Variants in DNM1 observed in about 807,000 individuals in gnomAD.
DNM1 encodes the protein dynamin 1, also known as dynamin-1.
In DNM1, 29 loss-of-function variants were observed where a neutral mutation model predicts 104.6. That is an observed-to-expected ratio of 0.28 (90% CI 0.21 to 0.38). The LOEUF (loss-of-function observed/expected upper bound fraction) is 0.38, where lower values mean the gene tolerates loss of function less well. Among genes scored for constraint, DNM1 ranks in the 10% least tolerant of loss-of-function variants. DNM1 has a pLI of 1.00. For missense variants in DNM1, 640 were observed against 1,189.4 expected (o/e 0.54, Z 6.79); for synonymous variants, 445 against 475.8 (o/e 0.94, Z 0.84).
Position 128,224,498 on chromosome 9 carries a change from C to T in DNM1, c.1335+109C>T, listed in dbSNP as rs1835224829. ...TGCCTCCTCGGTAGCATGTACAGAC[C>T]TCAGCGGGGTGGGGAGGCAGGCCAC... On this transcript the variant is annotated intron_variant, in intron 10 of 21. Coordinates refer to ENST00000372923, the MANE Select transcript of DNM1 (RefSeq NM_004408.4). The surrounding 1 kb of genome is among the most constrained non-coding windows in gnomAD (Gnocchi z 4.3). 2 of 1,120,548 alleles carry T rather than the reference C, an allele frequency of 1.8e-6. No homozygotes were observed. The highest frequency in any genetic ancestry group is 1.6e-5 in the African/African-American group (1 of 64,172). The allele number at this position is 1,120,548 out of a possible 1,614,324, so 69.4% of individuals were successfully genotyped here. A position where few individuals can be genotyped will look rare whatever the true frequency, so the allele number is the denominator to read the frequency against.
chr9:128,220,769 C>G lies in DNM1; in HGVS notation c.849+428C>G, dbSNP rs372185341. ...TGTGTGTGTGTGTGTGTGTGTGTGT[C>G]TGTCTGACTGTCTGTCTGTGTAGGC... On this transcript the variant is annotated intron_variant, in intron 6 of 21. Coordinates refer to ENST00000372923, the MANE Select transcript of DNM1 (RefSeq NM_004408.4). This position sits in a 1 kb window ranked among gnomAD's most constrained non-coding sequence, Gnocchi z 5.2. 6.4e-4 allele frequency among the ~76,000 whole-genome samples: 71 copies of G among 110,530 alleles called. No individual in the cohort carries two copies. In the East Asian group the frequency reaches 0.017, roughly 27 times the overall value. The allele number at this position is 110,530 out of a possible 152,430, so 72.5% of individuals were successfully genotyped here. A position where few individuals can be genotyped will look rare whatever the true frequency, so the allele number is the denominator to read the frequency against.
In DNM1 at chr9:128,218,368, T is replaced by G. The variant is rs1376908088; in HGVS notation, c.235+64T>G. On this transcript the variant is annotated intron_variant, in intron 2 of 21. Coordinates refer to ENST00000372923, the MANE Select transcript of DNM1 (RefSeq NM_004408.4). The surrounding 1 kb of genome is among the most constrained non-coding windows in gnomAD (Gnocchi z 4.8). ...TCCAGCCTCTCCCCCGTCCCCAAGC[T>G]GAGGGCCAGCCTGGCCACGAACTTG... 1 of 1,580,764 alleles carries G rather than the reference T, an allele frequency of 6.3e-7. No individual in the cohort carries two copies. Among genetic ancestry groups the G allele is most frequent in the African/African-American group, 1.3e-5 (1 of 74,214 alleles).
Position 128,253,092 on chromosome 9 carries a change from G to A in DNM1, c.2535-1562G>A, listed in dbSNP as rs1829630214. The A allele has an allele frequency of 1.9e-6, 3 of 1,611,104 alleles. No individual in the cohort carries two copies. Among genetic ancestry groups the A allele is most frequent in the East Asian group, 2.2e-5 (1 of 44,888 alleles). On this transcript the variant is annotated intron_variant, in intron 21 of 21. Transcript: ENST00000372923. This position sits in a 1 kb window ranked among gnomAD's most constrained non-coding sequence, Gnocchi z 5.9. Reference sequence around the variant, plus strand: ...TGAACTGCCATGTTGATTTCGTGCTGTCTTTCAGAATCACTATCAGTGACC... The same window carrying A: ...TGAACTGCCATGTTGATTTCGTGCTATCTTTCAGAATCACTATCAGTGACC...
At chr9:128,231,361 C>T (rs1403186177) in intron 10 of DNM1, among the ~76,000 whole-genome samples, 1 of 151,994 alleles carries the variant, frequency 6.6e-6, no homozygotes, top group Non-Finnish European at 1.5e-5. Context: ...GCCACCACGC[C>T]CGGCTACTTT....
At chr9:128,216,054 G>T (rs1312132062) in intron 1 of DNM1, among the ~76,000 whole-genome samples, 2 of 149,126 alleles carry the variant, frequency 1.3e-5, no homozygotes, top group Non-Finnish European at 3.0e-5. Flanking sequence ...CCTCTGTGCC[G>T]CCTGGCACAC....
At chr9:128,209,315 C>A (rs1222191832) in intron 1 of DNM1, among the ~76,000 whole-genome samples, 2 of 152,128 alleles carry the variant, frequency 1.3e-5, no homozygotes, top group African/African-American at 4.8e-5. Flanking sequence ...AGCATCTGAT[C>A]TCGGCGCCAG....
chr9:128,218,376 A>C lies in DNM1; in HGVS notation c.235+72A>C. 3 of 1,564,016 alleles carry C rather than the reference A, an allele frequency of 1.9e-6. No individual in the cohort carries two copies. Among genetic ancestry groups the C allele is most frequent in the Non-Finnish European group, 1.8e-6 (2 of 1,134,570 alleles). ...CTCCCCCGTCCCCAAGCTGAGGGCC[A>C]GCCTGGCCACGAACTTGCTTGCTGT... On this transcript the variant is annotated intron_variant, in intron 2 of 21. Coordinates refer to ENST00000372923, the MANE Select transcript of DNM1 (RefSeq NM_004408.4). The surrounding 1 kb of genome is among the most constrained non-coding windows in gnomAD (Gnocchi z 4.8).
At chr9:128,244,695 G>A (rs368873525) in intron 15 of DNM1, 8 of 519,882 alleles carry the variant, frequency 1.5e-5, no homozygotes, top group African/African-American at 7.7e-5. Context: ...GGCAGGGGTC[G>A]GTCCAGCTCT....
At chr9:128,244,931 A>C (rs1430719625) in intron 15 of DNM1, 2 of 329,076 alleles carry the variant, frequency 6.1e-6, no homozygotes, top group Non-Finnish European at 1.3e-5. Context: ...CCCTAGCCCC[A>C]GACCAGCCAG....
chr9:128,251,640 CT>C (rs761068043), intron 21 of DNM1: 5,370 of 147,066 alleles, frequency 0.037, 170 homozygotes, highest in Middle Eastern at 0.076. Flanking sequence ...CAACCACCCC[CT>C]CCGCGACTTC....
At chr9:128,233,046 TG>T (rs1835795524) in intron 10 of DNM1, among the ~76,000 whole-genome samples, 1 of 152,178 alleles carries the variant, frequency 6.6e-6, no homozygotes, top group Admixed American at 6.5e-5. Flanking sequence ...CTGGAGGAGC[TG>T]AAGTCCGGCA....
chr9:128,224,471 C>A lies in DNM1; in HGVS notation c.1335+82C>A, dbSNP rs890374856. On this transcript the variant is annotated intron_variant, in intron 10 of 21. Coordinates refer to ENST00000372923, the MANE Select transcript of DNM1 (RefSeq NM_004408.4). This position sits in a 1 kb window ranked among gnomAD's most constrained non-coding sequence, Gnocchi z 4.3. ...CAGGCGCTCCTTCCCCATGTCCCCC[C>A]CTGCCTCCTCGGTAGCATGTACAGA... 16 of 1,411,974 alleles carry A rather than the reference C, an allele frequency of 1.1e-5. No homozygotes were observed. The highest frequency in any genetic ancestry group is 9.3e-5 in the South Asian group (7 of 75,184). 87.5% of individuals were successfully genotyped at this position (1,411,974 alleles called of 1,614,324 possible).
rs1285943180 is a variant in DNM1 at position 128,237,747 on chromosome 9, A to G, written c.1423-1698A>G. Among the ~76,000 whole-genome samples the G allele has an allele frequency of 8.5e-5, 13 of 152,186 alleles. No individual in the cohort carries two copies. In the East Asian group the frequency reaches 2.5e-3, roughly 30 times the overall value. ...TTGATGAGTGTATCTGTGAGATACA[A>G]TTCTGGAAGTGAATATGTGCATTGT... is the stretch of plus-strand genomic sequence containing the variant. On this transcript the variant is annotated intron_variant, in intron 11 of 21. Coordinates refer to ENST00000372923, the MANE Select transcript of DNM1 (RefSeq NM_004408.4).
intron 4 of DNM1, 87 bp from the exon 5 acceptor site, chr9:128,219,901 G>T: frequency 9.3e-7 from 1 of 1,071,930 alleles, no homozygotes; most frequent in Non-Finnish European, 1.3e-6. Context: ...GGGGGCCGAG[G>T]AGAGCAGGGG....
chr9:128,230,299 A>G (rs145554211), intron 10 of DNM1, among the ~76,000 whole-genome samples: 222 of 151,750 alleles, frequency 1.5e-3, no homozygotes, highest in African/African-American at 5.1e-3. Context: ...GGAAAAAAAA[A>G]AAGCAGGTTT....
intron 19 of DNM1, 95 bp from the exon 20 acceptor site, chr9:128,250,020 C>A: frequency 6.3e-7 from 1 of 1,586,514 alleles, no homozygotes; most frequent in Non-Finnish European, 8.6e-7. Flanking sequence ...GTCTGAAAAG[C>A]CACACCAGCT....
chr9:128,254,769 T>C lies in DNM1; in HGVS notation c.*55T>C, dbSNP rs1279234402. On this transcript the variant is annotated 3_prime_UTR_variant, in exon 22 of 22. Coordinates refer to ENST00000372923, the MANE Select transcript of DNM1 (RefSeq NM_004408.4). The surrounding 1 kb of genome is among the most constrained non-coding windows in gnomAD (Gnocchi z 6.1). ...CTTTCCAAGCCTGCCTGGACGGCTG[T>C]TCTGTGACTTGACAGTGGCTCCCCC... The C allele has an allele frequency of 2.0e-6, 3 of 1,499,256 alleles. No homozygotes were observed. The African/African-American group carries it at 4.1e-5, about 21-fold the overall frequency. 92.9% of individuals were successfully genotyped at this position (1,499,256 alleles called of 1,614,324 possible).
chr9:128,207,548 G>A (rs938703450), intron 1 of DNM1, among the ~76,000 whole-genome samples: 1 of 151,924 alleles, frequency 6.6e-6, no homozygotes, highest in African/African-American at 2.4e-5. Context: ...CCTAGGGCAG[G>A]CCAAGTCTGG....
intron 12 of DNM1, 72 bp downstream of exon 12, chr9:128,239,587 TGTG>T (rs1836238014): frequency 8.5e-7 from 1 of 1,170,054 alleles, no homozygotes; most frequent in Non-Finnish European, 1.3e-6. Flanking sequence ...TGTGTGTGTG[TGTG>T]TGTGTGTGTG....
Sources: gnomAD v4.1 joint callset for allele counts (sites outside exome capture counted in the v4.1 genomes callset) on GRCh38, gnomAD v4.1.1 for gene constraint, Gnocchi (gnomAD v3.1) non-coding constraint, MANE v1.5 for transcripts, NCBI Gene and HGNC (gene_info 2026-07-23, HGNC 2026-07-21) for gene names.